The following PKD1 variants were observed in gnomAD, a reference collection of about 807,000 sequenced individuals.
PKD1 encodes the protein polycystin-1.
A neutral mutation model predicts 361.7 loss-of-function variants in PKD1; 81 were observed. That is an observed-to-expected ratio of 0.22 (90% CI 0.19 to 0.27). The LOEUF (loss-of-function observed/expected upper bound fraction) is 0.27, where lower values mean the gene tolerates loss of function less well. PKD1 is among the 10% of genes least tolerant of loss of function. The probability of loss-of-function intolerance (pLI) is 1.00; values close to 1 mark genes in which losing one functional copy is unlikely to be tolerated. For synonymous variants in PKD1, 3,615 were observed against 2,818.3 expected (o/e 1.28, Z -8.95); for missense variants, 6,399 against 6,118.3 (o/e 1.05, Z -1.53).
At chr16:2,098,348 A>C (rs2091936990) in intron 30 of PKD1, among the ~76,000 whole-genome samples, 1 of 152,070 alleles carries the variant, frequency 6.6e-6, no homozygotes. Context: ...AGCTGGGATT[A>C]CAGGTGCCTG....
In PKD1 at chr16:2,123,250, C is replaced by T. The variant is rs1419419592; in HGVS notation, c.216-3872G>A. Among the ~76,000 whole-genome samples, 4 of 152,222 alleles carry T rather than the reference C, an allele frequency of 2.6e-5. No individual in the cohort carries two copies. In the South Asian group the frequency reaches 8.3e-4, roughly 32 times the overall value. On this transcript the variant is annotated intron_variant, in intron 1 of 45. Transcript: ENST00000262304. ...CAGAAATGCAGCAAGGTCTTGGGGA[C>T]CCCGCTCGGCCGAGCTCCCAGGGCC...
Position 2,098,165 on chromosome 16 carries a change from T to A in PKD1, c.10051-181A>T, listed in dbSNP as rs565170471. ...GGCAGCCCCTCGCGACGTGTGCCAC[T>A]GAACACTTGACAGCAGACTGGTGCA... On this transcript the variant is annotated intron_variant, in intron 30 of 45. Transcript: ENST00000262304. The A allele has an allele frequency of 4.0e-4, 242 of 605,496 alleles. 1 individual carries two copies. In the African/African-American group the frequency reaches 4.0e-3, roughly 10 times the overall value. 37.5% of individuals were successfully genotyped at this position (605,496 alleles called of 1,614,324 possible).
In PKD1 at chr16:2,097,994, G is replaced by C. The variant is rs3874642; in HGVS notation, c.10051-10C>G. ...TCGGGCTCCCAGCCACCTGCAGGAC[G>C]AGGGCAGTGGTCAGCGGGCGGCAGC... On this transcript the variant is annotated splice_polypyrimidine_tract_variant and intron_variant, in intron 30 of 45. Coordinates refer to ENST00000262304, the MANE Select transcript of PKD1 (RefSeq NM_001009944.3). The C allele has an allele frequency of 1.4e-5, 21 of 1,519,588 alleles. No individual in the cohort carries two copies. The highest frequency in any genetic ancestry group is 1.9e-5 in the Non-Finnish European group (21 of 1,102,172). 94.1% of individuals were successfully genotyped at this position (1,519,588 alleles called of 1,614,324 possible).
chr16:2,093,491 G>T, intron 37 of PKD1, 53 bp downstream of exon 37: 4 of 1,502,314 alleles, frequency 2.7e-6, no homozygotes, highest in Non-Finnish European at 3.6e-6. Context: ...ATGGGTGGGA[G>T]GTGGGAGACA....
Position 2,100,221 on chromosome 16 carries a change from A to G in PKD1, c.9657T>C (p.Leu3219=). The part of the protein sequence containing the change: ...RSAFFLVNDW[L]SVETEANGGL... Reference sequence around the variant, plus strand: ...CCCCGTTGGCCTCCGTCTCCACCGAAAGCCAGTCATTGACCAGGAAGAAGG... The same window carrying G: ...CCCCGTTGGCCTCCGTCTCCACCGAGAGCCAGTCATTGACCAGGAAGAAGG... Residue 3219 remains leucine (L), a synonymous_variant, in exon 28 of 46, where the codon CTT becomes CTC. Transcript: ENST00000262304. The surrounding 1 kb of genome is among the most constrained non-coding windows in gnomAD (Gnocchi z 4.4). The G allele has an allele frequency of 6.2e-7, 1 of 1,610,332 alleles. No homozygotes were observed. Among genetic ancestry groups the G allele is most frequent in the Non-Finnish European group, 8.5e-7 (1 of 1,179,518 alleles).
Position 2,092,089 on chromosome 16 carries a change from T to C in PKD1, c.11369A>G (p.Asn3790Ser), listed in dbSNP as rs745427767. ...TGAATAGGCCCACGTCCCCGAGCCA[T>C]TGTGAGGACTCTCCCAGCCAACGTC... ...DYDVGWESPH[N>S]GSGTWAYSAP... Residue 3790 changes from asparagine (N) to serine (S), a missense_variant, in exon 40 of 46, where the codon AAT (asparagine) becomes AGT (serine). Asn to Ser is a conservative substitution (Grantham distance 46). Coordinates refer to ENST00000262304, the MANE Select transcript of PKD1 (RefSeq NM_001009944.3). 9 of 1,612,694 alleles carry C rather than the reference T, an allele frequency of 5.6e-6. No individual in the cohort carries two copies. Among genetic ancestry groups the C allele is most frequent in the Non-Finnish European group, 7.6e-6 (9 of 1,179,986 alleles).
Position 2,111,291 on chromosome 16 carries a change from G to A in PKD1, c.3876C>T (p.Phe1292=), listed in dbSNP as rs569009244. The change falls in exon 15 of 46, where the codon TTC becomes TTT. Residue 1292 remains phenylalanine, a synonymous_variant. Transcript: ENST00000262304. The part of the protein sequence containing the change: ...HLARSLHVLV[F]VLEVLRVEPA... ...GTTCAACGCGCAGCACCTCCAGGAC[G>A]AAGACCAGCACGTGCAGGCTCCGGG... is the stretch of plus-strand genomic sequence containing the variant. The A allele has an allele frequency of 2.5e-6, 4 of 1,609,446 alleles. No homozygotes were observed. Among genetic ancestry groups the A allele is most frequent in the African/African-American group, 2.7e-5 (2 of 75,002 alleles).
chr16:2,114,379 C>T lies in PKD1; in HGVS notation c.2644G>A (p.Val882Met), dbSNP rs151016310. The T allele has an allele frequency of 9.8e-5, 158 of 1,609,050 alleles. No individual in the cohort carries two copies. In the African/African-American group the frequency reaches 1.7e-3, roughly 18 times the overall value. Residue 882 changes from valine to methionine, a missense_variant, in exon 11 of 46, where the codon GTG (valine) becomes ATG (methionine). Physicochemically the swap from Val to Met is conservative, Grantham distance 21 (BLOSUM62 1). Coordinates refer to ENST00000262304, the MANE Select transcript of PKD1 (RefSeq NM_001009944.3). ...NVCPALVATF[V>M]PGCPWETNDT... ...TTGGTCTCCCAGGGGCAGCCGGGCA[C>T]GAAGGTGGCCACCAGGGCAGGGCAG...
In PKD1 at chr16:2,129,407, C is replaced by G. The variant is rs527361359; in HGVS notation, c.215+6068G>C. ...TCTCCTAAAGTGCTGGGATTACAGG[C>G]GTGAGGCACCGCGCCCGGCTGGACA... On this transcript the variant is annotated intron_variant, in intron 1 of 45. Coordinates refer to ENST00000262304, the MANE Select transcript of PKD1 (RefSeq NM_001009944.3). 9.9e-5 allele frequency among the ~76,000 whole-genome samples: 15 copies of G among 152,030 alleles called. No individual in the cohort carries two copies. The East Asian group carries it at 2.7e-3, about 28-fold the overall frequency.
chr16:2,103,219 C>T (rs1352035330), intron 23 of PKD1, 47 bp downstream of exon 23: 7 of 1,595,176 alleles, frequency 4.4e-6, no homozygotes, highest in Non-Finnish European at 6.0e-6. Flanking sequence ...GCCTTCCCCC[C>T]AAGAACAAGG....
At chr16:2,132,808 G>A (rs1308866151) in intron 1 of PKD1, among the ~76,000 whole-genome samples, 4 of 150,458 alleles carry the variant, frequency 2.7e-5, no homozygotes, top group East Asian at 2.0e-4. Flanking sequence ...AGGGCTGGGC[G>A]TGGTGGCTCA....
In PKD1 at chr16:2,111,725, G is replaced by C. The variant is rs1487509344; in HGVS notation, c.3442C>G (p.Pro1148Ala). Residue 1148 changes from proline to alanine, a missense_variant, in exon 15 of 46, where the codon CCG (proline) becomes GCG (alanine). Coordinates refer to ENST00000262304, the MANE Select transcript of PKD1 (RefSeq NM_001009944.3). ...CCCCCAGGCGAGGGCAGCGGGTGCGGGTAGAAGGTGACGGGCCGGCCGGCC... is the reference window on the plus strand; with the variant it reads ...CCCCCAGGCGAGGGCAGCGGGTGCGCGTAGAAGGTGACGGGCCGGCCGGCC... ...LVAGRPVTFY[P>A]HPLPSPGGVL... 3 of 1,594,882 alleles carry C rather than the reference G, an allele frequency of 1.9e-6. No individual in the cohort carries two copies. Among genetic ancestry groups the C allele is most frequent in the South Asian group, 1.1e-5 (1 of 89,042 alleles).
At chr16:2,093,321 A>G in intron 37 of PKD1, 1 of 673,410 alleles carries the variant, frequency 1.5e-6, no homozygotes, top group East Asian at 2.7e-5. Context: ...AGGGGCCTTC[A>G]GGGCCAGGCA....
Position 2,106,399 on chromosome 16 carries a change from C to T in PKD1, c.7488G>A (p.Thr2496=), listed in dbSNP as rs776604789. ...ALTTKVHFEC[T]GWHDAEDAGA... ...CCCCCCACGCAGGCCTGCACTCACC[C>T]GTGCATTCGAAGTGCACCTTGGTGG... Residue 2496 remains threonine (T), a splice_region_variant and synonymous_variant, in exon 18 of 46, where the codon ACG becomes ACA. Transcript: ENST00000262304. This position sits in a 1 kb window ranked among gnomAD's most constrained non-coding sequence, Gnocchi z 6.5. The T allele has an allele frequency of 2.0e-5, 32 of 1,589,134 alleles. No homozygotes were observed. Among genetic ancestry groups the T allele is most frequent in the African/African-American group, 9.4e-5 (7 of 74,404 alleles).
intron 22 of PKD1, among the ~76,000 whole-genome samples, chr16:2,104,174 C>CAGGGGGAAAGGGAGGGGA (rs1450596588): frequency 3.5e-3 from 51 of 14,624 alleles, no homozygotes; most frequent in South Asian, 7.5e-3. Flanking sequence ...AGAAGAGGAG[C>CAGGGGGAAAGGGAGGGGA]AGGGGGAAAG....
chr16:2,102,387 C>G lies in PKD1; in HGVS notation c.9195G>C (p.Val3065=), dbSNP rs9935834. ...LFVPPSHVRF[V]FPEPTADVNY... ...GGAGCACAGGGTCACTCACAGGAAA[C>G]ACAAAGCGGACATGGCTTGGGGGCA... is the stretch of plus-strand genomic sequence containing the variant. The change falls in exon 25 of 46, where the codon GTG becomes GTC. Residue 3065 remains valine, a synonymous_variant. Coordinates refer to ENST00000262304, the MANE Select transcript of PKD1 (RefSeq NM_001009944.3). The G allele has an allele frequency of 0.17, 267,230 of 1,555,570 alleles. 27,913 individuals carry two copies. The highest frequency in any genetic ancestry group is 0.49 in the African/African-American group (35,582 of 72,990).
chr16:2,122,552 C>T (rs1387646448), intron 1 of PKD1, among the ~76,000 whole-genome samples: 2 of 152,204 alleles, frequency 1.3e-5, no homozygotes, highest in African/African-American at 4.8e-5. Context: ...CCATCCCCGC[C>T]GTGGGGTGGG....
chr16:2,089,781 G>A lies in PKD1; in HGVS notation c.12858C>T (p.Gly4286=). ...RASRGVDLAT[G]PSRTPLRAKN... ...TGGCCCGAAGGGGTGTCCTGCTGGG[G>A]CCAGTGGCCAGGTCCACACCCCGAC... The change falls in exon 46 of 46, where the codon GGC becomes GGT. Residue 4286 remains glycine (G), a synonymous_variant. Transcript: ENST00000262304. 3 of 1,597,392 alleles carry A rather than the reference G, an allele frequency of 1.9e-6. No homozygotes were observed. Among genetic ancestry groups the A allele is most frequent in the Non-Finnish European group, 2.6e-6 (3 of 1,173,308 alleles).
chr16:2,093,465 G>A, intron 37 of PKD1, 79 bp downstream of exon 37: 1 of 1,327,334 alleles, frequency 7.5e-7, no homozygotes, highest in Non-Finnish European at 1.1e-6. Context: ...AAGGGGGACA[G>A]GAGTGTCCTG....
Sources: gnomAD v4.1 joint callset for allele counts (sites outside exome capture counted in the v4.1 genomes callset) on GRCh38, gnomAD v4.1.1 for gene constraint, Gnocchi (gnomAD v3.1) non-coding constraint, MANE v1.5 for transcripts, NCBI Gene and HGNC (gene_info 2026-07-23, HGNC 2026-07-21) for gene names.